The following ANXA4 variants were observed in gnomAD, a reference collection of about 807,000 sequenced individuals.
ANXA4 encodes 35-beta calcimedin.
Under a neutral mutation model 49.8 loss-of-function variants are expected in ANXA4, and 39 were observed. That is an observed-to-expected ratio of 0.78 (90% CI 0.61 to 1.02). The LOEUF is 1.02. ANXA4 is among the 50% of genes least tolerant of loss of function. The probability of loss-of-function intolerance (pLI) is 0.00; values close to 1 mark genes in which losing one functional copy is unlikely to be tolerated. For missense variants in ANXA4, 360 were observed against 410.1 expected (o/e 0.88, Z 1.05); for synonymous variants, 134 against 152.5 (o/e 0.88, Z 0.89).
chr2:69,727,581 A>G (rs980344488), intron 3 of ANXA4, among the ~76,000 whole-genome samples: 16 of 152,164 alleles, frequency 1.1e-4, no homozygotes, highest in Non-Finnish European at 4.4e-5. Flanking sequence ...GTCTTTTACC[A>G]ATTTACTGCA....
At chr2:69,656,053 G>A (rs1354848805) in intron 2 of ANXA4, among the ~76,000 whole-genome samples, 7 of 151,556 alleles carry the variant, frequency 4.6e-5, no homozygotes, top group African/African-American at 7.3e-5. Flanking sequence ...GAGGGATAGC[G>A]TTAGAAGAAA....
intron 3 of ANXA4, among the ~76,000 whole-genome samples, chr2:69,793,058 C>T (rs1416098382): frequency 6.6e-6 from 1 of 151,322 alleles, no homozygotes; most frequent in African/African-American, 2.4e-5. Context: ...TCGAGACCAT[C>T]CTGGCCAACA....
At position 69,812,650 on chromosome 2, in the gene ANXA4, C is replaced by T. The variant is rs371871857; in HGVS notation, c.478-3C>T. The T allele has an allele frequency of 1.6e-4, 264 of 1,612,826 alleles. 1 individual carries two copies. In the South Asian group the frequency reaches 2.6e-3, roughly 16 times the overall value. Reference sequence around the variant, plus strand: ...ATTTTTTATTTGTTTTTCTCATCCTCAGGGTGGGAGGGATGAAGGAAATTA... The same window carrying T: ...ATTTTTTATTTGTTTTTCTCATCCTTAGGGTGGGAGGGATGAAGGAAATTA... On this transcript the variant is annotated splice_polypyrimidine_tract_variant and splice_region_variant and intron_variant, in intron 7 of 12. Coordinates refer to ENST00000394295, the MANE Select transcript of ANXA4 (RefSeq NM_001153.5).
chr2:69,705,264 C>T (rs1174766427), intron 2 of ANXA4, among the ~76,000 whole-genome samples: 1 of 152,062 alleles, frequency 6.6e-6, no homozygotes, highest in African/African-American at 2.4e-5. Flanking sequence ...CCTCTGCACT[C>T]CAGCCTGGGT....
At chr2:69,653,792 T>G (rs1327488339) in intron 2 of ANXA4, among the ~76,000 whole-genome samples, 1 of 152,226 alleles carries the variant, frequency 6.6e-6, no homozygotes, top group Non-Finnish European at 1.5e-5. Flanking sequence ...CATATGAAAT[T>G]TAAAGTAGTT....
chr2:69,826,026 G>C lies in ANXA4; in HGVS notation c.*511G>C, dbSNP rs1278344071. The C allele has an allele frequency of 1.3e-5, 2 of 152,292 alleles. No homozygotes were observed. The highest frequency in any genetic ancestry group is 4.8e-5 in the African/African-American group (2 of 41,414). The allele number at this position is 152,292 out of a possible 1,614,324, so 9.4% of individuals were successfully genotyped here. A position where few individuals can be genotyped will look rare whatever the true frequency, so the allele number is the denominator to read the frequency against. On this transcript the variant is annotated 3_prime_UTR_variant, in exon 13 of 13. Coordinates refer to ENST00000394295, the MANE Select transcript of ANXA4 (RefSeq NM_001153.5). ...AAGCATCTACAAATCTCTTTTTTTA[G>C]GTTTTGTCCATAGCATCAGTTGATC...
chr2:69,706,321 T>G (rs1678496422), intron 2 of ANXA4, among the ~76,000 whole-genome samples: 1 of 124,796 alleles, frequency 8.0e-6, no homozygotes, highest in Non-Finnish European at 1.6e-5. Flanking sequence ...TTTTTTTTTT[T>G]GAGGAATCTC....
rs10565929 is a variant in ANXA4 at position 69,825,066 on chromosome 2, C to CAAAAAAA, written c.907-372_907-366dup. Among the ~76,000 whole-genome samples, 4 of 52,872 alleles carry CAAAAAAA rather than the reference C, an allele frequency of 7.6e-5. 1 individual carries two copies. Among genetic ancestry groups the CAAAAAAA allele is most frequent in the Admixed American group, 4.3e-4 (2 of 4,662 alleles). The allele number at this position is 52,872 out of a possible 152,430, so 34.7% of individuals were successfully genotyped here. A position where few individuals can be genotyped will look rare whatever the true frequency, so the allele number is the denominator to read the frequency against. On this transcript the variant is annotated intron_variant, in intron 12 of 12. Coordinates refer to ENST00000394295, the MANE Select transcript of ANXA4 (RefSeq NM_001153.5). ...TGGGTGACAGAACAAGACTCTGTCT[C>CAAAAAAA]AAAAAAAAAAAAAAAAAAAAAAAAC...
At chr2:69,656,288 C>CAT (rs1205278952) in intron 2 of ANXA4, among the ~76,000 whole-genome samples, 3 of 89,532 alleles carry the variant, frequency 3.4e-5, no homozygotes, top group African/African-American at 1.3e-4. Context: ...TATATATATA[C>CAT]ATATATGTAT....
At chr2:69,724,014 G>A (rs1480775884) in intron 3 of ANXA4, among the ~76,000 whole-genome samples, 1 of 152,258 alleles carries the variant, frequency 6.6e-6, no homozygotes, top group African/African-American at 2.4e-5. Flanking sequence ...CAGCTCCTCG[G>A]TGGGCTGAGG....
chr2:69,800,342 A>G (rs1573284534), intron 3 of ANXA4, among the ~76,000 whole-genome samples: 1 of 152,368 alleles, frequency 6.6e-6, no homozygotes, highest in African/African-American at 2.4e-5. Context: ...TGTTACATTC[A>G]GAATTATCAG....
chr2:69,656,397 A>ATATGTG (rs1163017058), intron 2 of ANXA4, among the ~76,000 whole-genome samples: 1 of 88,530 alleles, frequency 1.1e-5, no homozygotes, highest in Non-Finnish European at 2.8e-5. Context: ...ATGTGTATAT[A>ATATGTG]TATGTATATA....
chr2:69,774,758 G>C (rs1671899032), intron 1 of ANXA4, among the ~76,000 whole-genome samples: 1 of 152,180 alleles, frequency 6.6e-6, no homozygotes, highest in Non-Finnish European at 1.5e-5. Flanking sequence ...AAGCACATCA[G>C]CTGCTTCATC....
chr2:69,693,679 G>T (rs1415893150), intron 2 of ANXA4, among the ~76,000 whole-genome samples: 1 of 152,164 alleles, frequency 6.6e-6, no homozygotes, highest in Non-Finnish European at 1.5e-5. Flanking sequence ...GCACAAAGTA[G>T]GTTACTGAGT....
At chr2:69,810,365 A>C in intron 6 of ANXA4, 1 of 490,568 alleles carries the variant, frequency 2.0e-6, no homozygotes, top group East Asian at 3.7e-5. Context: ...ATGAGACTCC[A>C]TCTCAAAAGA....
At chr2:69,815,880 G>A in intron 8 of ANXA4, 1 of 526,610 alleles carries the variant, frequency 1.9e-6, no homozygotes, top group South Asian at 2.8e-5. Flanking sequence ...CTAGGGAACT[G>A]CTAGTGTTTG....
chr2:69,794,078 C>G (rs1312444046), intron 3 of ANXA4, among the ~76,000 whole-genome samples: 3 of 152,198 alleles, frequency 2.0e-5, no homozygotes, highest in East Asian at 1.9e-4. Context: ...CTTACCTGTT[C>G]ACAATCATGT....
chr2:69,768,673 T>C (rs1025865668), intron 1 of ANXA4, among the ~76,000 whole-genome samples: 11 of 152,228 alleles, frequency 7.2e-5, no homozygotes, highest in African/African-American at 2.7e-4. Flanking sequence ...TCAGTAAAAC[T>C]GTCCTGTAAG....
chr2:69,649,924 A>ATTTT (rs35212855), intron 1 of ANXA4, among the ~76,000 whole-genome samples: 3 of 52,014 alleles, frequency 5.8e-5, no homozygotes, highest in Non-Finnish European at 9.3e-5. Flanking sequence ...GCCTGGCCTG[A>ATTTT]TTTTTTTTTT....
Sources: allele counts gnomAD v4.1 joint callset (sites outside exome capture counted in the v4.1 genomes callset), GRCh38; gene constraint gnomAD v4.1.1; transcripts MANE v1.5; gene names NCBI Gene and HGNC (gene_info 2026-07-23, HGNC 2026-07-21).